The following SUN1 variants were observed in gnomAD, a reference collection of about 807,000 sequenced individuals.
The protein encoded by SUN1 is SUN domain-containing protein 1.
SUN1 carries 61 observed loss-of-function variants against 103.2 expected under a neutral mutation model. The ratio of observed to expected loss-of-function variants is 0.59; its 90% CI spans 0.48 to 0.73. SUN1 has a LOEUF of 0.73. SUN1 is among the 30% of genes least tolerant of loss of function. SUN1 has a pLI of 0.00. For missense variants in SUN1, 1,052 were observed against 1,034.6 expected (o/e 1.02, Z -0.23); for synonymous variants, 490 against 425.7 (o/e 1.15, Z -1.86).
In SUN1 at chr7:873,504, T is replaced by C; in HGVS notation, c.*173T>C. On this transcript the variant is annotated 3_prime_UTR_variant, in exon 19 of 19. Coordinates refer to ENST00000401592, the MANE Select transcript of SUN1 (RefSeq NM_001130965.3). ...GTGACGGGCGCCTTGGCGCCACCTG[T>C]TGGGTGCTCACTGCCTCTGCAGGTG... 1.5e-6 allele frequency: 1 copy of C among 646,534 alleles called. No homozygotes were observed. Among genetic ancestry groups the C allele is most frequent in the South Asian group, 1.9e-5 (1 of 51,624 alleles). 40.0% of individuals were successfully genotyped at this position (646,534 alleles called of 1,614,324 possible).
At chr7:825,897 G>T (rs1448224369) in intron 1 of SUN1, among the ~76,000 whole-genome samples, 5 of 148,620 alleles carry the variant, frequency 3.4e-5, no homozygotes, top group South Asian at 2.1e-4. Context: ...TTTAGTACTG[G>T]TTTTTTTTTT....
Position 818,728 on chromosome 7 carries a change from G to A in SUN1, c.-74+2055G>A, listed in dbSNP as rs1416749652. Reference sequence around the variant, plus strand: ...TTCCAAAAAGGATGACCATGCTAGTGGGTCTGAAGTGGCGTCTCATTTGGC... The same window carrying A: ...TTCCAAAAAGGATGACCATGCTAGTAGGTCTGAAGTGGCGTCTCATTTGGC... On this transcript the variant is annotated intron_variant, in intron 1 of 17. Coordinates refer to the SUN1 transcript ENST00000389574. Among the ~76,000 whole-genome samples the A allele has an allele frequency of 2.0e-5, 3 of 152,284 alleles. No individual in the cohort carries two copies. In the East Asian group the frequency reaches 5.8e-4, roughly 29 times the overall value.
chr7:865,919 G>A, intron 15 of SUN1, 33 bp from the exon 16 acceptor site: 2 of 1,583,906 alleles, frequency 1.3e-6, no homozygotes, highest in East Asian at 2.2e-5. Flanking sequence ...TGGTGGAACT[G>A]GACACTGAGA....
chr7:834,508 C>T (rs1801029322), intron 1 of SUN1, among the ~76,000 whole-genome samples: 1 of 152,208 alleles, frequency 6.6e-6, no homozygotes, highest in African/African-American at 2.4e-5. Flanking sequence ...CTGGGCTGGC[C>T]TCCCGCAGAC....
At chr7:858,083 C>A in intron 13 of SUN1, 126 bp downstream of exon 13, 1 of 1,201,012 alleles carries the variant, frequency 8.3e-7, no homozygotes, top group Non-Finnish European at 1.1e-6. Flanking sequence ...CCGAGTCTTG[C>A]TGTGGCACGC....
At chr7:839,940 G>A (rs1267350382) in intron 2 of SUN1, among the ~76,000 whole-genome samples, 1 of 152,200 alleles carries the variant, frequency 6.6e-6, no homozygotes, top group Non-Finnish European at 1.5e-5. Flanking sequence ...ATTTGCGTTC[G>A]TCGAGTTCAT....
In SUN1 at chr7:839,783, G is replaced by A. The variant is rs1258271020; in HGVS notation, c.266+797G>A. ...TGGCCAGGCTGGTCTCGAACTCCTGGTCTCAGGTGATCCGCCCATTGCAGC... is the reference window on the plus strand; with the variant it reads ...TGGCCAGGCTGGTCTCGAACTCCTGATCTCAGGTGATCCGCCCATTGCAGC... On this transcript the variant is annotated intron_variant, in intron 2 of 18. Coordinates refer to ENST00000401592, the MANE Select transcript of SUN1 (RefSeq NM_001130965.3). Among the ~76,000 whole-genome samples, 3 of 148,966 alleles carry A rather than the reference G, an allele frequency of 2.0e-5. 1 individual carries two copies. In the Admixed American group the frequency reaches 2.0e-4, roughly 10 times the overall value.
Position 859,273 on chromosome 7 carries a change from C to T in SUN1, c.1525-855C>T, listed in dbSNP as rs369058160. ...TCTTTAGTCTGCAGGCCCACGAGGA[C>T]GATGGCTGCTATCAGCGCTGGCTGA... On this transcript the variant is annotated intron_variant, in intron 13 of 18. Transcript: ENST00000401592. 9.9e-5 allele frequency among the ~76,000 whole-genome samples: 15 copies of T among 152,212 alleles called. No homozygotes were observed. In the East Asian group the frequency reaches 2.5e-3, roughly 25 times the overall value.
chr7:819,709 C>CT (rs60712364), intron 1 of SUN1, among the ~76,000 whole-genome samples: 12,949 of 130,492 alleles, frequency 0.099, 832 homozygotes, highest in Non-Finnish European at 0.13. Context: ...CAATGCCACC[C>CT]TTTTTTTTTT....
intron 5 of SUN1, chr7:848,705 C>T (rs1426206267): frequency 1.5e-5 from 13 of 879,148 alleles, no homozygotes; most frequent in East Asian, 5.3e-5. Flanking sequence ...GCGCCTCCCT[C>T]GCTGCCTCCT....
At chr7:833,672 T>A (rs1327936405) in intron 1 of SUN1, among the ~76,000 whole-genome samples, 2 of 152,204 alleles carry the variant, frequency 1.3e-5, no homozygotes. Flanking sequence ...TTAGAAAATA[T>A]TTTAAGAAAA....
Position 843,355 on chromosome 7 carries a change from G to T in SUN1, c.493G>T (p.Ala165Ser). 6.2e-7 allele frequency: 1 copy of T among 1,606,366 alleles called. No individual in the cohort carries two copies. The highest frequency in any genetic ancestry group is 8.5e-7 in the Non-Finnish European group (1 of 1,176,182). Residue 165 changes from alanine (A) to serine (S), a missense_variant, in exon 5 of 19, where the codon GCC (alanine) becomes TCC (serine). Physicochemically the swap from Ala to Ser is moderately conservative, Grantham distance 99. This residue lies in a region of SUN1 where 846 missense variants were observed against 774.5 expected (regional missense o/e 1.09). Transcript: ENST00000401592. Reference sequence around the variant, plus strand: ...GAAAACTTTAGGTGGAAATAAAGCTGCCATTCAGGGAAACGGGGATGTGGG... The same window carrying T: ...GAAAACTTTAGGTGGAAATAAAGCTTCCATTCAGGGAAACGGGGATGTGGG... ...DGDLKGGNKA[A>S]IQGNGDVGAA...
In SUN1 at chr7:856,359, C is replaced by A; in HGVS notation, c.1352C>A (p.Ala451Asp). The A allele has an allele frequency of 6.2e-7, 1 of 1,613,816 alleles. No individual in the cohort carries two copies. The highest frequency in any genetic ancestry group is 8.5e-7 in the Non-Finnish European group (1 of 1,179,842). Residue 451 changes from alanine to aspartate, a missense_variant and splice_region_variant, in exon 12 of 19, where the codon GCC (alanine) becomes GAC (aspartate). Ala to Asp is a moderately radical substitution (Grantham distance 126). Coordinates refer to ENST00000401592, the MANE Select transcript of SUN1 (RefSeq NM_001130965.3). ...TAGACTATTTCTCATACTTTTTAGG[C>A]CATCCAGAAGGAACTAGAACAGACC... ...ILGKLREKSE[A>D]IQKELEQTKQ...
chr7:842,711 C>G, intron 3 of SUN1: 1 of 191,174 alleles, frequency 5.2e-6, no homozygotes, highest in Non-Finnish European at 1.1e-5. Flanking sequence ...CGCCCAGCCG[C>G]TCATCTGCAT....
chr7:825,870 C>T (rs971135988), intron 1 of SUN1, among the ~76,000 whole-genome samples: 80 of 149,488 alleles, frequency 5.4e-4, no homozygotes, highest in African/African-American at 1.8e-3. Flanking sequence ...GATCTAAGGA[C>T]GATAATTATG....
chr7:839,268 A>T, intron 2 of SUN1: 1 of 336,806 alleles, frequency 3.0e-6, no homozygotes, highest in East Asian at 4.7e-5. Context: ...GCCAGCACTC[A>T]GGTCTGGAAG....
chr7:817,772 C>T (rs1205229864), intron 1 of SUN1, among the ~76,000 whole-genome samples: 1 of 152,104 alleles, frequency 6.6e-6, no homozygotes, highest in African/African-American at 2.4e-5. Flanking sequence ...TTTTTTGAAG[C>T]CTTTAGTTTT....
chr7:839,993 G>A (rs1174866355), intron 2 of SUN1, among the ~76,000 whole-genome samples: 6 of 152,180 alleles, frequency 3.9e-5, no homozygotes, highest in South Asian at 2.1e-4. Flanking sequence ...GTGCAGAGAA[G>A]GAACAAAAGT....
chr7:870,137 G>A (rs1333062090), intron 17 of SUN1, among the ~76,000 whole-genome samples: 4 of 151,266 alleles, frequency 2.6e-5, no homozygotes, highest in African/African-American at 4.9e-5. Flanking sequence ...TATAGGAGGT[G>A]GAGGTTGCCG....
Sources: allele counts gnomAD v4.1 joint callset (sites outside exome capture counted in the v4.1 genomes callset), GRCh38; gene constraint gnomAD v4.1.1; regional missense constraint gnomAD v4.1.1; transcripts MANE v1.5; gene names NCBI Gene and HGNC (gene_info 2026-07-23, HGNC 2026-07-21).